The following ZC3H3 variants were observed in gnomAD, a reference collection of about 807,000 sequenced individuals.
ZC3H3 encodes zinc finger CCCH-type containing 3, also known as zinc finger CCCH domain-containing protein 3.
ZC3H3 carries 36 observed loss-of-function variants against 77.3 expected under a neutral mutation model. That is an observed-to-expected ratio of 0.47 (90% CI 0.36 to 0.61). ZC3H3 has a LOEUF of 0.61. ZC3H3 is among the 20% of genes least tolerant of loss of function. ZC3H3 has a pLI of 0.00. For missense variants in ZC3H3, 1,331 were observed against 1,312.2 expected, an observed-to-expected ratio of 1.01 and a Z score of -0.22; for synonymous variants, 626 against 555.2, an observed-to-expected ratio of 1.13 and a Z score of -1.79.
chr8:143,480,291 AGCT>A (rs1213267847), intron 4 of ZC3H3, among the ~76,000 whole-genome samples: 1 of 152,204 alleles, frequency 6.6e-6, no homozygotes, highest in Non-Finnish European at 1.5e-5. Context: ...ACAGCCTGCC[AGCT>A]GCCAGGCTCC....
chr8:143,469,394 T>TCTGCCCAG (rs1402825818), intron 5 of ZC3H3, among the ~76,000 whole-genome samples: 2 of 152,168 alleles, frequency 1.3e-5, no homozygotes, highest in Non-Finnish European at 2.9e-5. Flanking sequence ...GGCGGAGGCA[T>TCTGCCCAG]CTGCCCAGCT....
intron 9 of ZC3H3, among the ~76,000 whole-genome samples, chr8:143,453,930 T>C (rs1302098001): frequency 6.6e-6 from 1 of 152,178 alleles, no homozygotes; most frequent in African/African-American, 2.4e-5. Context: ...GCAAATATAA[T>C]ATAATACCCA....
rs757072865 is a variant in ZC3H3 at position 143,440,267 on chromosome 8, C to A, written c.2589G>T (p.Gly863=). ...AVAAPPHCPG[G]SASPSSSKAS... Reference sequence around the variant, plus strand: ...CCTTCGAGGATGAGGGAGAGGCTGACCCCCCTGGGCAGTGGGGAGGTGCAG... The same window carrying A: ...CCTTCGAGGATGAGGGAGAGGCTGAACCCCCTGGGCAGTGGGGAGGTGCAG... Residue 863 remains glycine, a synonymous_variant, in exon 11 of 12, where the codon GGG becomes GGT. Coordinates refer to ENST00000262577, the MANE Select transcript of ZC3H3 (RefSeq NM_015117.3). The A allele has an allele frequency of 6.3e-7, 1 of 1,583,238 alleles. No individual in the cohort carries two copies. The highest frequency in any genetic ancestry group is 2.3e-5 in the East Asian group (1 of 43,986).
chr8:143,541,336 G>T, intron 1 of ZC3H3, 40 bp downstream of exon 1: 1 of 1,604,948 alleles, frequency 6.2e-7, no homozygotes. Context: ...AGGTGAGGGG[G>T]AAAGAAGGGG....
chr8:143,509,646 G>A (rs1006568312), intron 3 of ZC3H3, among the ~76,000 whole-genome samples: 2 of 152,220 alleles, frequency 1.3e-5, no homozygotes, highest in Non-Finnish European at 2.9e-5. Flanking sequence ...CTGGGGCGAT[G>A]CTGGCCCCTT....
intron 5 of ZC3H3, among the ~76,000 whole-genome samples, chr8:143,474,799 G>A (rs1191544275): frequency 2.6e-5 from 4 of 152,220 alleles, no homozygotes; most frequent in Admixed American, 6.5e-5. Context: ...TAGGATAAGT[G>A]AATCCAAAGC....
chr8:143,454,079 C>T (rs901864799), intron 9 of ZC3H3, among the ~76,000 whole-genome samples: 4 of 142,848 alleles, frequency 2.8e-5, no homozygotes, highest in Non-Finnish European at 6.1e-5. Context: ...ATAACTTTTT[C>T]TTTTTTTTTT....
intron 3 of ZC3H3, among the ~76,000 whole-genome samples, chr8:143,531,331 G>A: frequency 6.6e-6 from 1 of 152,160 alleles, no homozygotes. Flanking sequence ...AGAAACGGAA[G>A]GCAAGGGGCA....
chr8:143,450,982 A>G (rs1819973922), intron 9 of ZC3H3, among the ~76,000 whole-genome samples: 1 of 152,164 alleles, frequency 6.6e-6, no homozygotes, highest in Admixed American at 6.5e-5. Context: ...AATAACAAGT[A>G]TATTAAACAC....
chr8:143,474,229 G>A (rs1194910298), intron 5 of ZC3H3, among the ~76,000 whole-genome samples: 1 of 150,938 alleles, frequency 6.6e-6, no homozygotes, highest in Non-Finnish European at 1.5e-5. Context: ...AAGGGACCCA[G>A]GGCTTCTCAC....
chr8:143,516,564 CACA>C (rs1822055860), intron 3 of ZC3H3, among the ~76,000 whole-genome samples: 8 of 96,082 alleles, frequency 8.3e-5, no homozygotes, highest in African/African-American at 3.9e-4. Context: ...CACACACACA[CACA>C]TACACACACA....
chr8:143,529,672 T>G (rs1822538157), intron 3 of ZC3H3, among the ~76,000 whole-genome samples: 1 of 152,168 alleles, frequency 6.6e-6, no homozygotes, highest in African/African-American at 2.4e-5. Context: ...TCACCAGGGC[T>G]AGAGGGTGAG....
rs1820477618 is a variant in ZC3H3 at position 143,468,561 on chromosome 8, G to A, written c.1947-21C>T. The A allele has an allele frequency of 2.5e-6, 4 of 1,602,974 alleles. 1 individual carries two copies. The South Asian group carries it at 4.5e-5, about 18-fold the overall frequency. ...CCCGGCTGCAGACGGGGAGAGAGGT[G>A]CGTGAGCCTGAGGGCGAGCAGGGAG... On this transcript the variant is annotated intron_variant, in intron 6 of 11. Coordinates refer to ENST00000262577, the MANE Select transcript of ZC3H3 (RefSeq NM_015117.3).
chr8:143,449,461 C>A (rs1324272288), intron 9 of ZC3H3, among the ~76,000 whole-genome samples: 2 of 152,218 alleles, frequency 1.3e-5, no homozygotes, highest in Non-Finnish European at 2.9e-5. Context: ...GTGGCTCATG[C>A]CTGTAATCCC....
chr8:143,466,102 G>T (rs1820401465), intron 8 of ZC3H3, among the ~76,000 whole-genome samples: 2 of 152,224 alleles, frequency 1.3e-5, no homozygotes, highest in Admixed American at 1.3e-4. Flanking sequence ...TAGCCCTGTG[G>T]CTCAGCCTCA....
At position 143,530,212 on chromosome 8, in the gene ZC3H3, G is replaced by T. The variant is rs1158117291; in HGVS notation, c.1561+6045C>A. ...GCCAGGCCCTTTCTGTCCACCACAGGTGTGCCCAGGACCTGCCAGGCCCGC... is the reference window on the plus strand; with the variant it reads ...GCCAGGCCCTTTCTGTCCACCACAGTTGTGCCCAGGACCTGCCAGGCCCGC... On this transcript the variant is annotated intron_variant, in intron 3 of 11. Transcript: ENST00000262577. This position sits in a 1 kb window ranked among gnomAD's most constrained non-coding sequence, Gnocchi z 4.3. Among the ~76,000 whole-genome samples, 1 of 152,060 alleles carries T rather than the reference G, an allele frequency of 6.6e-6. No homozygotes were observed. The highest frequency in any genetic ancestry group is 1.5e-5 in the Non-Finnish European group (1 of 68,004).
chr8:143,520,782 G>A (rs1014492838), intron 3 of ZC3H3, among the ~76,000 whole-genome samples: 3 of 152,162 alleles, frequency 2.0e-5, no homozygotes, highest in African/African-American at 4.8e-5. Flanking sequence ...GTGTCCTTCT[G>A]CCCCATGGGA....
At chr8:143,526,435 C>T (rs1413798234) in intron 3 of ZC3H3, among the ~76,000 whole-genome samples, 1 of 152,232 alleles carries the variant, frequency 6.6e-6, no homozygotes, top group Non-Finnish European at 1.5e-5. Flanking sequence ...GCAGGAGACC[C>T]CTCAGGGAAC....
intron 11 of ZC3H3, among the ~76,000 whole-genome samples, 160 bp downstream of exon 11, chr8:143,439,881 G>A (rs62521892): frequency 0.018 from 1,115 of 63,328 alleles, 62 homozygotes; most frequent in Middle Eastern, 0.042. Context: ...GCCTACCTGA[G>A]TCCTTGGTGA....
Sources: gnomAD v4.1 joint callset for allele counts (sites outside exome capture counted in the v4.1 genomes callset) on GRCh38, gnomAD v4.1.1 for gene constraint, Gnocchi (gnomAD v3.1) non-coding constraint, MANE v1.5 for transcripts, NCBI Gene and HGNC (gene_info 2026-07-23, HGNC 2026-07-21) for gene names.